Variants in IRAG1 observed in about 807,000 individuals in gnomAD.
IRAG1 encodes the protein IP3R-associated cGMP kinase substrate.
A neutral mutation model predicts 106.2 loss-of-function variants in IRAG1; 62 were observed. The observed-to-expected ratio is 0.58, with a 90% CI of 0.48 to 0.72. The LOEUF is 0.72. Among genes scored for constraint, IRAG1 ranks in the 30% least tolerant of loss-of-function variants. The probability of loss-of-function intolerance (pLI) is 0.00; values close to 1 mark genes in which losing one functional copy is unlikely to be tolerated. For synonymous variants in IRAG1, 462 were observed against 443.9 expected (o/e 1.04, Z -0.51); for missense variants, 1,064 against 1,140.7 (o/e 0.93, Z 0.97).
Position 10,626,264 on chromosome 11 carries a change from G to C in IRAG1, c.1070C>G (p.Pro357Arg). 6.2e-7 allele frequency: 1 copy of C among 1,609,922 alleles called. No homozygotes were observed. Among genetic ancestry groups the C allele is most frequent in the Non-Finnish European group, 8.5e-7 (1 of 1,177,800 alleles). The change falls in exon 9 of 21, where the codon CCC (proline) becomes CGC (arginine). Residue 357 changes from proline (P) to arginine (R), a missense_variant. Coordinates refer to ENST00000423302, the MANE Select transcript of IRAG1 (RefSeq NM_130385.4). ...TGGGCCTCTCCCCTGGGAGGCTGGG[G>C]GACCCACTCCTGCCGCATCCTGGGT... ...SPTQDAAGVG[P>R]PASQGRGPAG...
chr11:10,656,343 A>C (rs1234642664), intron 1 of IRAG1, among the ~76,000 whole-genome samples: 5 of 152,190 alleles, frequency 3.3e-5, no homozygotes, highest in Non-Finnish European at 7.3e-5. Flanking sequence ...CTAGTGCCTA[A>C]CTAGAACCTG....
At chr11:10,613,691 G>C (rs959508637) in intron 10 of IRAG1, among the ~76,000 whole-genome samples, 1 of 152,210 alleles carries the variant, frequency 6.6e-6, no homozygotes, top group Admixed American at 6.5e-5. Context: ...AAGATGTGTA[G>C]AGGTAGAAAT....
At position 10,626,380 on chromosome 11, in the gene IRAG1, C is replaced by A. The variant is rs769387010; in HGVS notation, c.954G>T (p.Leu318=). 5.0e-6 allele frequency: 8 copies of A among 1,613,760 alleles called. No individual in the cohort carries two copies. Among genetic ancestry groups the A allele is most frequent in the Non-Finnish European group, 6.8e-6 (8 of 1,179,866 alleles). Residue 318 remains leucine (L), a synonymous_variant, in exon 9 of 21, where the codon CTG becomes CTT. Coordinates refer to ENST00000423302, the MANE Select transcript of IRAG1 (RefSeq NM_130385.4). ...CCACGGGGCCAGGCTGAGGGCTGTTCAGGGCCATTTTCCCACTGCTGTTTG... is the reference window on the plus strand; with the variant it reads ...CCACGGGGCCAGGCTGAGGGCTGTTAAGGGCCATTTTCCCACTGCTGTTTG... The part of the protein sequence containing the change: ...PVTNSSGKMA[L]NSPQPGPVES...
intron 10 of IRAG1, among the ~76,000 whole-genome samples, chr11:10,610,158 G>A (rs1271504992): frequency 6.6e-6 from 1 of 152,204 alleles, no homozygotes; most frequent in Non-Finnish European, 1.5e-5. Context: ...ACAGTATTAA[G>A]CTGGCAATTG....
At chr11:10,690,515 T>A in intron 1 of IRAG1, 2 of 1,176,406 alleles carry the variant, frequency 1.7e-6, no homozygotes, top group Non-Finnish European at 2.2e-6. Context: ...TGAAGGCCCA[T>A]TTGTGAGGCT....
chr11:10,651,814 T>C (rs1453472001), intron 2 of IRAG1, among the ~76,000 whole-genome samples: 2 of 152,230 alleles, frequency 1.3e-5, no homozygotes, highest in Non-Finnish European at 2.9e-5. Context: ...GTTGGTTCTA[T>C]ACCCAGAATA....
intron 2 of IRAG1, among the ~76,000 whole-genome samples, chr11:10,634,753 TTGTGTGTGTG>T (rs57266330): frequency 4.2e-3 from 612 of 144,956 alleles, no homozygotes; most frequent in South Asian, 0.015. Flanking sequence ...AATAATATTC[TTGTGTGTGTG>T]TGTGTGTGTG....
intron 10 of IRAG1, among the ~76,000 whole-genome samples, chr11:10,611,982 A>G (rs548235478): frequency 6.6e-6 from 1 of 152,354 alleles, no homozygotes; most frequent in Admixed American, 6.5e-5. Context: ...ATGATCGCAC[A>G]GAACACAGAG....
intron 18 of IRAG1, among the ~76,000 whole-genome samples, chr11:10,582,682 G>A (rs2134102500): frequency 6.6e-6 from 1 of 152,268 alleles, no homozygotes; most frequent in South Asian, 2.1e-4. Flanking sequence ...AGGGTTGGGT[G>A]TGGTGGCTCA....
At chr11:10,693,458 G>C in intron 1 of IRAG1, 78 bp downstream of exon 1, 1 of 1,529,704 alleles carries the variant, frequency 6.5e-7, no homozygotes, top group Non-Finnish European at 8.7e-7. Flanking sequence ...CCAGCACCCT[G>C]TACCTTTAAG....
intron 9 of IRAG1, among the ~76,000 whole-genome samples, chr11:10,625,669 G>A (rs151120633): frequency 5.0e-4 from 76 of 152,148 alleles, no homozygotes; most frequent in African/African-American, 1.7e-3. Flanking sequence ...AGGACTGAGG[G>A]GCCCACATGT....
At chr11:10,651,940 G>A in intron 2 of IRAG1, 85 bp downstream of exon 2, 4 of 1,435,796 alleles carry the variant, frequency 2.8e-6, no homozygotes, top group Non-Finnish European at 3.7e-6. Context: ...AAACCCTCTG[G>A]CCAGCCTAAA....
chr11:10,585,954 G>A (rs1303096791), intron 18 of IRAG1: 1 of 149,974 alleles, frequency 6.7e-6, no homozygotes, highest in Non-Finnish European at 1.5e-5. Context: ...TCTTTCAATA[G>A]AAGCCCTCCA....
chr11:10,576,313 T>G lies in IRAG1; in HGVS notation c.*19A>C. The G allele has an allele frequency of 6.2e-7, 1 of 1,612,888 alleles. No homozygotes were observed. The highest frequency in any genetic ancestry group is 8.5e-7 in the Non-Finnish European group (1 of 1,179,558). On this transcript the variant is annotated 3_prime_UTR_variant, in exon 21 of 21. Transcript: ENST00000423302. Reference sequence around the variant, plus strand: ...GTCTGAGTGTCTCAGAGCAGGGCACTGGCTAGGTGTGAGGTTTCCTACTGC... The same window carrying G: ...GTCTGAGTGTCTCAGAGCAGGGCACGGGCTAGGTGTGAGGTTTCCTACTGC...
chr11:10,649,119 C>T (rs867999440), intron 2 of IRAG1, among the ~76,000 whole-genome samples: 1 of 152,218 alleles, frequency 6.6e-6, no homozygotes, highest in Non-Finnish European at 1.5e-5. Flanking sequence ...GTTCCAGCCC[C>T]CTGAAGGCTC....
chr11:10,608,618 T>C (rs535972872), intron 11 of IRAG1, among the ~76,000 whole-genome samples: 57 of 152,354 alleles, frequency 3.7e-4, no homozygotes, highest in South Asian at 3.7e-3. Flanking sequence ...AGCATCTTTT[T>C]TAAGTGACTA....
intron 1 of IRAG1, among the ~76,000 whole-genome samples, chr11:10,673,323 C>G (rs1472860528): frequency 6.6e-6 from 1 of 151,994 alleles, no homozygotes; most frequent in Non-Finnish European, 1.5e-5. Context: ...TTTTAAGTTT[C>G]ATGCTAAAGT....
At chr11:10,693,090 G>A (rs1862187181) in intron 1 of IRAG1, among the ~76,000 whole-genome samples, 1 of 152,178 alleles carries the variant, frequency 6.6e-6, no homozygotes, top group African/African-American at 2.4e-5. Context: ...GATCTAGACA[G>A]GTCATGCCAG....
At chr11:10,669,826 T>C (rs1263577909) in intron 1 of IRAG1, among the ~76,000 whole-genome samples, 1 of 152,138 alleles carries the variant, frequency 6.6e-6, no homozygotes, top group Non-Finnish European at 1.5e-5. Context: ...GGTGTAACTG[T>C]GGATTGAACT....
Sources: allele counts gnomAD v4.1 joint callset (sites outside exome capture counted in the v4.1 genomes callset), GRCh38; gene constraint gnomAD v4.1.1; transcripts MANE v1.5; gene names NCBI Gene and HGNC (gene_info 2026-07-23, HGNC 2026-07-21).